DLG2: variants seen among roughly 807,000 people sequenced by gnomAD.
DLG2 encodes the protein disks large homolog 2.
Under a neutral mutation model 132.5 loss-of-function variants are expected in DLG2, and 45 were observed. That is an observed-to-expected ratio of 0.34 (90% CI 0.27 to 0.44). The LOEUF is 0.44. DLG2 is among the 20% of genes least tolerant of loss of function. The pLI, the probability that DLG2 is intolerant of heterozygous loss-of-function variation, is 1.00. For synonymous variants in DLG2, 424 were observed against 419.6 expected, an observed-to-expected ratio of 1.01 and a Z score of -0.13; for missense variants, 1,045 against 1,196.9, an observed-to-expected ratio of 0.87 and a Z score of 1.87.
chr11:85,610,012 A>G (rs1360841955), intron 2 of DLG2, among the ~76,000 whole-genome samples: 1 of 152,172 alleles, frequency 6.6e-6, no homozygotes, highest in Non-Finnish European at 1.5e-5. Context: ...TTACATGAAT[A>G]TGGGGAACAA....
At chr11:83,946,785 T>C (rs2084087168) in intron 14 of DLG2, among the ~76,000 whole-genome samples, 1 of 152,222 alleles carries the variant, frequency 6.6e-6, no homozygotes. Flanking sequence ...GTTAGCAGAA[T>C]TTAAACAAAT....
At chr11:84,531,989 G>C (rs1305071881) in intron 7 of DLG2, among the ~76,000 whole-genome samples, 1 of 152,092 alleles carries the variant, frequency 6.6e-6, no homozygotes, top group Non-Finnish European at 1.5e-5. Flanking sequence ...AAATGAGACA[G>C]TGAGTAGCAT....
intron 7 of DLG2, among the ~76,000 whole-genome samples, chr11:84,285,765 T>C (rs1012919094): frequency 1.3e-5 from 2 of 152,234 alleles, no homozygotes; most frequent in African/African-American, 4.8e-5. Flanking sequence ...TAAACCTCTT[T>C]TGTGACTATT....
intron 3 of DLG2, among the ~76,000 whole-genome samples, chr11:85,318,875 G>T (rs2080865926): frequency 6.6e-6 from 1 of 151,644 alleles, no homozygotes. Context: ...ATGGATTCAA[G>T]GTATCAAAGT....
chr11:85,011,361 T>C (rs1259359966), intron 6 of DLG2, among the ~76,000 whole-genome samples: 1 of 152,180 alleles, frequency 6.6e-6, no homozygotes, highest in African/African-American at 2.4e-5. Flanking sequence ...GATAACATCA[T>C]CAAATATTTG....
chr11:83,498,690 T>C (rs1436671796), intron 21 of DLG2, among the ~76,000 whole-genome samples: 1 of 136,348 alleles, frequency 7.3e-6, no homozygotes, highest in Admixed American at 7.1e-5. Context: ...AAAAAAACAA[T>C]AATAAATATT....
intron 4 of DLG2, among the ~76,000 whole-genome samples, 159 bp downstream of exon 4, chr11:85,285,061 T>C (rs1427640857): frequency 6.6e-6 from 1 of 151,960 alleles, no homozygotes; most frequent in African/African-American, 2.4e-5. Flanking sequence ...TTTGGAAAAA[T>C]TGAATTTTCA....
At chr11:84,193,160 C>G (rs1005584219) in intron 8 of DLG2, among the ~76,000 whole-genome samples, 3 of 152,166 alleles carry the variant, frequency 2.0e-5, no homozygotes, top group African/African-American at 7.2e-5. Flanking sequence ...GAATCCTAGA[C>G]AGTCATTGTT....
chr11:83,835,141 A>G (rs1359170681), intron 16 of DLG2, among the ~76,000 whole-genome samples: 1 of 152,212 alleles, frequency 6.6e-6, no homozygotes, highest in Middle Eastern at 3.2e-3. Flanking sequence ...AAAGTGACAT[A>G]GAGTTAACTC....
intron 25 of DLG2, among the ~76,000 whole-genome samples, chr11:83,467,383 C>T (rs1003962898): frequency 2.6e-5 from 4 of 152,076 alleles, no homozygotes; most frequent in Admixed American, 6.6e-5. Context: ...GTGAATTTTT[C>T]CAAGTACTTG....
chr11:84,721,347 G>C (rs2061817085), intron 6 of DLG2, among the ~76,000 whole-genome samples: 1 of 152,150 alleles, frequency 6.6e-6, no homozygotes, highest in African/African-American at 2.4e-5. Context: ...TCAGAACCAA[G>C]GCTTTATTTG....
At chr11:85,302,328 T>C (rs1323428998) in intron 3 of DLG2, among the ~76,000 whole-genome samples, 2 of 152,192 alleles carry the variant, frequency 1.3e-5, no homozygotes, top group African/African-American at 4.8e-5. Context: ...CATTTAAACA[T>C]CACATTTGTT....
At chr11:85,445,718 G>A (rs1469377610) in intron 3 of DLG2, among the ~76,000 whole-genome samples, 1 of 152,040 alleles carries the variant, frequency 6.6e-6, no homozygotes, top group Non-Finnish European at 1.5e-5. Flanking sequence ...ATCAGAACAG[G>A]CACACCTCAT....
Position 83,663,536 on chromosome 11 carries a change from G to A in DLG2, c.1826-30211C>T, listed in dbSNP as rs79895835. Among the ~76,000 whole-genome samples, 661 of 152,250 alleles carry A rather than the reference G, an allele frequency of 4.3e-3. 6 individuals carry two copies. Among genetic ancestry groups the A allele is most frequent in the African/African-American group, 0.015 (618 of 41,542 alleles). On this transcript the variant is annotated intron_variant, in intron 18 of 27. Coordinates refer to ENST00000376104, the MANE Select transcript of DLG2 (RefSeq NM_001142699.3). ...TAAAAACATACATTGTATCTGCAGC[G>A]TCATTGCAGATACAATGTGTGTGTG...
At chr11:85,542,360 G>C (rs896947070) in intron 3 of DLG2, among the ~76,000 whole-genome samples, 1 of 152,144 alleles carries the variant, frequency 6.6e-6, no homozygotes, top group Non-Finnish European at 1.5e-5. Flanking sequence ...TACAAACTGA[G>C]TGGCAAACAA....
chr11:84,837,284 T>C (rs553136388), intron 6 of DLG2, among the ~76,000 whole-genome samples: 6 of 151,992 alleles, frequency 3.9e-5, no homozygotes, highest in Non-Finnish European at 5.9e-5. Flanking sequence ...CTCTTTGGTA[T>C]AGTATTGAAA....
In DLG2 at chr11:85,103,366, A is replaced by G. The variant is rs145444742; in HGVS notation, c.357+8295T>C. Among the ~76,000 whole-genome samples, 216 of 152,100 alleles carry G rather than the reference A, an allele frequency of 1.4e-3. 1 individual carries two copies. Among genetic ancestry groups the G allele is most frequent in the African/African-American group, 5.1e-3 (212 of 41,550 alleles). ...CAAATTTCCAACTTACTACAAAGCT[A>G]CCATAATCAAGACAGTGTGGCACTG... is the stretch of plus-strand genomic sequence containing the variant. On this transcript the variant is annotated intron_variant, in intron 6 of 27. Coordinates refer to ENST00000376104, the MANE Select transcript of DLG2 (RefSeq NM_001142699.3).
chr11:83,999,954 C>G (rs2094255692), intron 11 of DLG2, among the ~76,000 whole-genome samples: 1 of 7,302 alleles, frequency 1.4e-4, no homozygotes, highest in Non-Finnish European at 2.2e-4. Flanking sequence ...ACACTGGAAA[C>G]ATTAAAAAAA....
At chr11:85,569,605 A>C (rs2077727842) in intron 3 of DLG2, among the ~76,000 whole-genome samples, 1 of 152,100 alleles carries the variant, frequency 6.6e-6, no homozygotes, top group African/African-American at 2.4e-5. Context: ...TCGGCCTTTC[A>C]AACGTGAAAA....
Sources: allele counts gnomAD v4.1 joint callset (sites outside exome capture counted in the v4.1 genomes callset), GRCh38; gene constraint gnomAD v4.1.1; transcripts MANE v1.5; gene names NCBI Gene and HGNC (gene_info 2026-07-23, HGNC 2026-07-21).